Variants in SCAPER observed in about 807,000 individuals in gnomAD.
SCAPER encodes S phase cyclin A-associated protein in the endoplasmic reticulum.
Under a neutral mutation model 182.2 loss-of-function variants are expected in SCAPER, and 98 were observed. The ratio of observed to expected loss-of-function variants is 0.54; its 90% CI spans 0.46 to 0.64. SCAPER has a LOEUF of 0.64. Ranked by LOEUF, SCAPER falls within the 30% of genes least tolerant of loss-of-function variation. The pLI, the probability that SCAPER is intolerant of heterozygous loss-of-function variation, is 0.00. For missense variants in SCAPER, 1,432 were observed against 1,690.0 expected (o/e 0.85, Z 2.68); for synonymous variants, 605 against 564.6 (o/e 1.07, Z -1.01).
At chr15:76,663,735 G>A (rs188040462) in intron 21 of SCAPER, among the ~76,000 whole-genome samples, 1 of 152,058 alleles carries the variant, frequency 6.6e-6, no homozygotes, top group African/African-American at 2.4e-5. Flanking sequence ...GAGGAACAAA[G>A]AACTTTATGG....
intron 22 of SCAPER, among the ~76,000 whole-genome samples, chr15:76,615,066 T>C (rs964474510): frequency 4.6e-5 from 7 of 152,120 alleles, no homozygotes; most frequent in Admixed American, 6.5e-5. Context: ...AATCTAATGA[T>C]GAAGAAATAG....
chr15:76,895,767 G>A (rs1279582390), intron 1 of SCAPER, among the ~76,000 whole-genome samples: 2 of 152,132 alleles, frequency 1.3e-5, no homozygotes, highest in South Asian at 2.1e-4. Context: ...CCGGCCAGGT[G>A]CAGGAGCTCA....
intron 21 of SCAPER, among the ~76,000 whole-genome samples, chr15:76,647,918 G>A (rs574497687): frequency 4.5e-4 from 69 of 152,154 alleles, no homozygotes; most frequent in African/African-American, 1.6e-3. Flanking sequence ...GTTTAAAACC[G>A]TATTTTCAGA....
chr15:76,816,218 C>T (rs567825126), intron 5 of SCAPER, among the ~76,000 whole-genome samples: 2 of 152,314 alleles, frequency 1.3e-5, no homozygotes, highest in South Asian at 2.1e-4. Context: ...TAGCTTACTA[C>T]AATCTTTTTA....
intron 25 of SCAPER, among the ~76,000 whole-genome samples, chr15:76,456,449 G>A (rs2048742177): frequency 6.6e-6 from 1 of 152,180 alleles, no homozygotes; most frequent in Middle Eastern, 3.2e-3. Context: ...ACTGTCTTCA[G>A]AGGACATATT....
chr15:76,833,380 C>G (rs2068669951), intron 5 of SCAPER, among the ~76,000 whole-genome samples: 1 of 152,070 alleles, frequency 6.6e-6, no homozygotes, highest in African/African-American at 2.4e-5. Flanking sequence ...TAAGGGAGTG[C>G]TAAACATGAA....
chr15:76,419,018 T>C (rs988548460), intron 26 of SCAPER, among the ~76,000 whole-genome samples: 2 of 152,246 alleles, frequency 1.3e-5, no homozygotes, highest in Non-Finnish European at 2.9e-5. Context: ...CACGAACATG[T>C]ACCTGGCCCA....
At chr15:76,729,335 T>C (rs1376897098) in intron 16 of SCAPER, among the ~76,000 whole-genome samples, 1 of 149,922 alleles carries the variant, frequency 6.7e-6, no homozygotes, top group South Asian at 2.1e-4. Context: ...CATATACATA[T>C]ATATCCTATT....
At chr15:76,820,410 C>A (rs375830380) in intron 5 of SCAPER, among the ~76,000 whole-genome samples, 2 of 151,768 alleles carry the variant, frequency 1.3e-5, no homozygotes, top group South Asian at 4.2e-4. Context: ...TATGCAGCCA[C>A]AAAAAATGAT....
intron 23 of SCAPER, among the ~76,000 whole-genome samples, chr15:76,524,689 G>GTTTTTTTTTTTTTTT (rs35944222): frequency 7.8e-4 from 39 of 50,108 alleles, no homozygotes; most frequent in African/African-American, 1.5e-3. Context: ...TTTTTGTTCT[G>GTTTTTTTTTTTTTTT]TTTTTTTTTT....
At chr15:76,764,649 G>A (rs780676567) in intron 14 of SCAPER, among the ~76,000 whole-genome samples, 3 of 152,282 alleles carry the variant, frequency 2.0e-5, no homozygotes, top group Middle Eastern at 3.4e-3. Context: ...ATAGTCTTAG[G>A]CTCCAAATTG....
rs532638598 is a variant in SCAPER at position 76,441,167 on chromosome 15, C to T, written c.3079-6857G>A. On this transcript the variant is annotated intron_variant, in intron 25 of 31. Transcript: ENST00000563290. ...CGATCTCCTGACCTCGTGATCCACCCGCCTTGGCCTCCCAAAGTGCTGGGA... is the reference window on the plus strand; with the variant it reads ...CGATCTCCTGACCTCGTGATCCACCTGCCTTGGCCTCCCAAAGTGCTGGGA... 5.3e-5 allele frequency among the ~76,000 whole-genome samples: 8 copies of T among 151,996 alleles called. No homozygotes were observed. The South Asian group carries it at 1.0e-3, about 20-fold the overall frequency.
intron 22 of SCAPER, among the ~76,000 whole-genome samples, chr15:76,606,675 G>A (rs1385496697): frequency 6.6e-5 from 10 of 150,598 alleles, no homozygotes; most frequent in Admixed American, 5.3e-4. Flanking sequence ...GTCTCTAAGG[G>A]CTTGCTTTAT....
intron 1 of SCAPER, among the ~76,000 whole-genome samples, chr15:76,904,093 G>C (rs2074941033): frequency 6.6e-6 from 1 of 152,118 alleles, no homozygotes; most frequent in African/African-American, 2.4e-5. Flanking sequence ...CAAACTTTGA[G>C]GAAAAGTCAT....
At chr15:76,834,097 C>T (rs1172475278) in intron 5 of SCAPER, among the ~76,000 whole-genome samples, 1 of 152,130 alleles carries the variant, frequency 6.6e-6, no homozygotes, top group Non-Finnish European at 1.5e-5. Flanking sequence ...ATGAACCACA[C>T]ACTCAGCCAT....
intron 23 of SCAPER, among the ~76,000 whole-genome samples, chr15:76,527,357 A>G (rs2043287546): frequency 6.6e-6 from 1 of 152,124 alleles, no homozygotes; most frequent in Non-Finnish European, 1.5e-5. Flanking sequence ...TCTATTATTC[A>G]GCAGCTTCAT....
chr15:76,728,992 T>C (rs190029338), intron 16 of SCAPER, among the ~76,000 whole-genome samples: 218 of 152,252 alleles, frequency 1.4e-3, no homozygotes, highest in African/African-American at 5.2e-3. Context: ...TATACTTGTT[T>C]TGTGGGAACT....
chr15:76,452,066 C>A (rs1369827319), intron 25 of SCAPER, among the ~76,000 whole-genome samples: 2 of 152,142 alleles, frequency 1.3e-5, no homozygotes, highest in Admixed American at 1.3e-4. Context: ...CTACTATTGT[C>A]TTCCTTTTAG....
chr15:76,621,714 G>C (rs772902268), intron 22 of SCAPER, 50 bp downstream of exon 22: 53 of 1,406,608 alleles, frequency 3.8e-5, no homozygotes, highest in Admixed American at 7.9e-5. Context: ...ATACACTTTT[G>C]TTACAGGCAT....
Sources: allele counts gnomAD v4.1 joint callset (sites outside exome capture counted in the v4.1 genomes callset), GRCh38; gene constraint gnomAD v4.1.1; transcripts MANE v1.5; gene names NCBI Gene and HGNC (gene_info 2026-07-23, HGNC 2026-07-21).